The following DCN variants were observed in gnomAD, a reference collection of about 807,000 sequenced individuals.
The protein encoded by DCN is decorin.
In DCN, 17 loss-of-function variants were observed where a neutral mutation model predicts 36.5. That is an observed-to-expected ratio of 0.47 (90% CI 0.32 to 0.70). The LOEUF (loss-of-function observed/expected upper bound fraction) is 0.70. DCN is among the 30% of genes least tolerant of loss of function. The probability of loss-of-function intolerance (pLI) is 0.04; values close to 1 mark genes in which losing one functional copy is unlikely to be tolerated. For missense variants in DCN, 389 were observed against 430.1 expected, an observed-to-expected ratio of 0.90 and a Z score of 0.84; for synonymous variants, 163 against 161.4, an observed-to-expected ratio of 1.01 and a Z score of -0.07.
intron 2 of DCN, chr12:91,177,066 T>TCTCCCC (rs1429352485): frequency 6.5e-6 from 1 of 153,376 alleles, no homozygotes; most frequent in Non-Finnish European, 1.4e-5. Context: ...CCTCATCCTT[T>TCTCCCC]CTCCCCATGC....
At position 91,157,027 on chromosome 12, in the gene DCN, G is replaced by T. The variant is rs1881823236; in HGVS notation, c.652+48C>A. On this transcript the variant is annotated intron_variant, in intron 5 of 7. Coordinates refer to ENST00000052754, the MANE Select transcript of DCN (RefSeq NM_001920.5). The stretch of plus-strand genomic sequence containing the variant: ...ACAAGATTTTTTTTTTTTAATTAAA[G>T]CCTTTGAATTTAAATTTTTCAAAAT... 3.0e-6 allele frequency: 4 copies of T among 1,330,276 alleles called. No individual in the cohort carries two copies. The African/African-American group carries it at 4.4e-5, about 15-fold the overall frequency. The allele number at this position is 1,330,276 out of a possible 1,614,324, so 82.4% of individuals were successfully genotyped here.
intron 2 of DCN, among the ~76,000 whole-genome samples, chr12:91,171,486 T>C (rs1184607893): frequency 6.6e-6 from 1 of 152,218 alleles, no homozygotes; most frequent in African/African-American, 2.4e-5. Context: ...TCTCTTCCCT[T>C]TGAATTCAGG....
At chr12:91,181,519 A>G (rs1230767854) in intron 1 of DCN, among the ~76,000 whole-genome samples, 1 of 152,102 alleles carries the variant, frequency 6.6e-6, no homozygotes, top group African/African-American at 2.4e-5. Context: ...AAAATGCATG[A>G]CAATGTCCAA....
At chr12:91,151,931 C>A (rs1881458817) in intron 6 of DCN, 139 bp from the exon 7 acceptor site, 2 of 895,970 alleles carry the variant, frequency 2.2e-6, no homozygotes, top group Non-Finnish European at 3.5e-6. Flanking sequence ...AGTGCTTTCT[C>A]CAACCTCTCT....
chr12:91,180,929 C>G (rs1227625837), intron 1 of DCN: 1 of 152,082 alleles, frequency 6.6e-6, no homozygotes, highest in Non-Finnish European at 1.5e-5. Flanking sequence ...TTCTCCAGAG[C>G]AGAACATGCC....
intron 3 of DCN, among the ~76,000 whole-genome samples, chr12:91,164,260 A>T (rs1254461757): frequency 6.6e-6 from 1 of 151,832 alleles, no homozygotes. Context: ...AGATATACCT[A>T]ATGCTAGATG....
At chr12:91,176,434 A>T (rs968542076) in intron 2 of DCN, 1 of 152,170 alleles carries the variant, frequency 6.6e-6, no homozygotes, top group African/African-American at 2.4e-5. Flanking sequence ...ACAAAACAAT[A>T]TCAATGGCAA....
intron 5 of DCN, 62 bp from the exon 6 acceptor site, chr12:91,153,251 C>CA (rs2121184383): frequency 1.1e-6 from 1 of 942,176 alleles, no homozygotes. Flanking sequence ...AGAATGTGGA[C>CA]AAACTTAAAG....
chr12:91,162,002 G>A (rs1004252946), intron 3 of DCN, among the ~76,000 whole-genome samples: 2 of 151,032 alleles, frequency 1.3e-5, no homozygotes, highest in South Asian at 2.1e-4. Context: ...GTGCAGTGGC[G>A]TGATCTCGAC....
At chr12:91,161,146 T>G (rs1312387784) in intron 3 of DCN, among the ~76,000 whole-genome samples, 2 of 152,176 alleles carry the variant, frequency 1.3e-5, no homozygotes, top group Non-Finnish European at 2.9e-5. Context: ...ATGAACTCTC[T>G]TTATTCATCT....
intron 3 of DCN, 89 bp downstream of exon 3, chr12:91,164,516 T>C (rs1374351694): frequency 1.2e-5 from 9 of 729,508 alleles, no homozygotes; most frequent in African/African-American, 1.8e-5. Flanking sequence ...TCTTTGTTGG[T>C]ACATAGTACT....
intron 3 of DCN, among the ~76,000 whole-genome samples, chr12:91,159,244 C>T (rs3138241): frequency 0.097 from 14,743 of 151,994 alleles, 951 homozygotes; most frequent in African/African-American, 0.17. Flanking sequence ...ACATGGATTC[C>T]GCTACAAAAG....
chr12:91,163,438 T>C (rs1055781848), intron 3 of DCN, among the ~76,000 whole-genome samples: 2 of 152,136 alleles, frequency 1.3e-5, no homozygotes, highest in Non-Finnish European at 2.9e-5. Flanking sequence ...AGGCAGGAAA[T>C]TAAGAGGTGG....
At position 91,141,929 on chromosome 12, in the gene DCN, A is replaced by G. The variant is rs936722172; in HGVS notation, c.*4129T>C. 1 of 152,072 alleles carries G rather than the reference A, an allele frequency of 6.6e-6. No individual in the cohort carries two copies. The highest frequency in any genetic ancestry group is 1.5e-5 in the Non-Finnish European group (1 of 68,002). The allele number at this position is 152,072 out of a possible 1,614,324, so 9.4% of individuals were successfully genotyped here. On this transcript the variant is annotated 3_prime_UTR_variant, in exon 8 of 8. Transcript: ENST00000052754. ...TGCATATGCCCTTTCTTTTGGCTCA[A>G]AATTGTTCAACTTCTTTGAAGGTTG...
chr12:91,151,365 C>T (rs1466964086), intron 7 of DCN: 1 of 353,588 alleles, frequency 2.8e-6, no homozygotes, highest in East Asian at 6.2e-5. Flanking sequence ...ACTCCCCCTA[C>T]TCACTATGGC....
At chr12:91,177,506 T>G in intron 2 of DCN, 2 of 687,008 alleles carry the variant, frequency 2.9e-6, no homozygotes, top group Non-Finnish European at 5.3e-6. Flanking sequence ...AAAGGAGGAA[T>G]GTGAATGAGC....
At chr12:91,180,694 C>A (rs1868365707) in intron 1 of DCN, 1 of 152,104 alleles carries the variant, frequency 6.6e-6, no homozygotes, top group Non-Finnish European at 1.5e-5. Flanking sequence ...ACTGAGTATC[C>A]CTTTAAGAGA....
chr12:91,147,936 C>T (rs1273399947), intron 7 of DCN, among the ~76,000 whole-genome samples: 2 of 151,974 alleles, frequency 1.3e-5, no homozygotes, highest in African/African-American at 4.8e-5. Context: ...CTTAGGGTCC[C>T]TAAAAACCGG....
Position 91,143,047 on chromosome 12 carries a change from A to G in DCN, c.*3011T>C, listed in dbSNP as rs1398199404. 6.6e-6 allele frequency: 1 copy of G among 152,124 alleles called. No homozygotes were observed. Among genetic ancestry groups the G allele is most frequent in the Admixed American group, 6.5e-5 (1 of 15,278 alleles). The allele number at this position is 152,124 out of a possible 1,614,324, so 9.4% of individuals were successfully genotyped here. ...AATCCAATATAACTCATGTTCATAG[A>G]AGAAGAAGAGAAAAGACACAAACAC... On this transcript the variant is annotated 3_prime_UTR_variant, in exon 8 of 8. Coordinates refer to ENST00000052754, the MANE Select transcript of DCN (RefSeq NM_001920.5).
Sources: allele counts gnomAD v4.1 joint callset (sites outside exome capture counted in the v4.1 genomes callset), GRCh38; gene constraint gnomAD v4.1.1; transcripts MANE v1.5; gene names NCBI Gene and HGNC (gene_info 2026-07-23, HGNC 2026-07-21).